Variants in TENM2 observed in about 807,000 individuals in gnomAD.
TENM2 encodes teneurin-2.
TENM2 carries 52 observed loss-of-function variants against 245.2 expected under a neutral mutation model. The ratio of observed to expected loss-of-function variants is 0.21; its 90% CI spans 0.17 to 0.27. The LOEUF (loss-of-function observed/expected upper bound fraction) is 0.27. TENM2 is among the 10% of genes least tolerant of loss of function. TENM2 has a pLI of 1.00. For missense variants in TENM2, 3,046 were observed against 3,666.8 expected, an observed-to-expected ratio of 0.83 and a Z score of 4.37; for synonymous variants, 1,363 against 1,438.9, an observed-to-expected ratio of 0.95 and a Z score of 1.19.
At chr5:167,353,022 A>C (rs1759026608) in intron 1 of TENM2, among the ~76,000 whole-genome samples, 1 of 152,178 alleles carries the variant, frequency 6.6e-6, no homozygotes, top group Non-Finnish European at 1.5e-5. Flanking sequence ...AAAGCGGCGC[A>C]TAACGACTCC....
chr5:167,099,580 A>T, the TENM2 span, among the ~76,000 whole-genome samples: 1 of 152,274 alleles, frequency 6.6e-6, no homozygotes, highest in Non-Finnish European at 1.5e-5. Context: ...CTGTAATCCC[A>T]GGTACTTGGG....
the TENM2 span, among the ~76,000 whole-genome samples, chr5:167,273,786 A>G: frequency 6.6e-6 from 1 of 152,148 alleles, no homozygotes; most frequent in African/African-American, 2.4e-5. Context: ...TAATGACAGT[A>G]ATAATTTTTA....
At chr5:168,089,608 T>A (rs1792749341) in intron 7 of TENM2, among the ~76,000 whole-genome samples, 1 of 152,210 alleles carries the variant, frequency 6.6e-6, no homozygotes, top group African/African-American at 2.4e-5. Context: ...TATCCAAGGC[T>A]AGGCACTATA....
the TENM2 span, among the ~76,000 whole-genome samples, chr5:167,263,447 T>C: frequency 6.6e-6 from 1 of 152,196 alleles, no homozygotes. Flanking sequence ...AAACATTAGC[T>C]GAGGAAGCAG....
the TENM2 span, among the ~76,000 whole-genome samples, chr5:167,224,937 C>CAT: frequency 6.6e-6 from 1 of 151,772 alleles, no homozygotes; most frequent in African/African-American, 2.4e-5. Flanking sequence ...AAATTTATTC[C>CAT]TAAGTATTTT....
intron 3 of TENM2, among the ~76,000 whole-genome samples, chr5:167,885,319 T>C (rs975910754): frequency 1.3e-5 from 2 of 152,226 alleles, no homozygotes; most frequent in Non-Finnish European, 2.9e-5. Context: ...ACAAATACTG[T>C]TAAAGGCTTA....
At chr5:167,931,444 G>A (rs576302698) in intron 3 of TENM2, among the ~76,000 whole-genome samples, 10 of 151,716 alleles carry the variant, frequency 6.6e-5, no homozygotes, top group Non-Finnish European at 1.5e-4. Flanking sequence ...CCTGTAAATT[G>A]GGCCATATAA....
the TENM2 span, among the ~76,000 whole-genome samples, chr5:166,996,009 A>C: frequency 4.9e-4 from 75 of 152,096 alleles, no homozygotes; most frequent in East Asian, 0.013. Context: ...CATATTAATT[A>C]AAAAATTTGC....
At chr5:167,844,797 TTG>T (rs1769875029) in intron 2 of TENM2, among the ~76,000 whole-genome samples, 1 of 151,546 alleles carries the variant, frequency 6.6e-6, no homozygotes, top group Admixed American at 6.6e-5. Flanking sequence ...AGGTTTGAGT[TTG>T]GGGGTTTTCA....
At chr5:167,568,558 C>A (rs957362597) in intron 2 of TENM2, among the ~76,000 whole-genome samples, 31 of 151,892 alleles carry the variant, frequency 2.0e-4, no homozygotes, top group African/African-American at 6.0e-4. Context: ...GTGTGTGACA[C>A]CATTGATTAT....
chr5:168,192,784 G>A (rs990291161), intron 14 of TENM2, among the ~76,000 whole-genome samples: 1 of 152,114 alleles, frequency 6.6e-6, no homozygotes, highest in Non-Finnish European at 1.5e-5. Flanking sequence ...CCGTGACTGG[G>A]CAGAGCTTGC....
chr5:167,904,548 C>A (rs1056595902), intron 3 of TENM2, among the ~76,000 whole-genome samples: 1 of 152,134 alleles, frequency 6.6e-6, no homozygotes, highest in Non-Finnish European at 1.5e-5. Flanking sequence ...GGATACTGAT[C>A]GAGCTTGCAT....
intron 2 of TENM2, among the ~76,000 whole-genome samples, chr5:167,599,407 A>G (rs1022909815): frequency 3.3e-5 from 5 of 152,208 alleles, no homozygotes; most frequent in South Asian, 4.1e-4. Context: ...AAAATAAACC[A>G]TATAACTCTC....
intron 4 of TENM2, among the ~76,000 whole-genome samples, chr5:167,976,769 G>A (rs1782472021): frequency 6.6e-6 from 1 of 152,170 alleles, no homozygotes; most frequent in Admixed American, 6.5e-5. Flanking sequence ...TGCTTAGAGT[G>A]TAGGCTAACA....
chr5:167,125,604 A>G, the TENM2 span, among the ~76,000 whole-genome samples: 2 of 152,206 alleles, frequency 1.3e-5, no homozygotes, highest in Admixed American at 6.5e-5. Flanking sequence ...TCCTAAGCTG[A>G]TTCAATACTT....
At chr5:167,872,353 AGG>A (rs1772942039) in intron 2 of TENM2, among the ~76,000 whole-genome samples, 2 of 136,552 alleles carry the variant, frequency 1.5e-5, no homozygotes, top group African/African-American at 2.9e-5. Context: ...AAAGAAAGAA[AGG>A]AAAGAGAAGG....
At chr5:167,202,979 G>C in the TENM2 span, among the ~76,000 whole-genome samples, 8 of 152,236 alleles carry the variant, frequency 5.3e-5, no homozygotes, top group South Asian at 1.7e-3. Context: ...TACGGATGAG[G>C]GAATTGAGGT....
At chr5:167,171,196 C>T in the TENM2 span, among the ~76,000 whole-genome samples, 1 of 152,120 alleles carries the variant, frequency 6.6e-6, no homozygotes, top group South Asian at 2.1e-4. Context: ...ACACTAGTCT[C>T]TTTTCCTGCC....
chr5:167,298,559 G>C (rs564830539), intron 1 of TENM2, among the ~76,000 whole-genome samples: 12 of 152,174 alleles, frequency 7.9e-5, no homozygotes, highest in Non-Finnish European at 1.3e-4. Context: ...AGCCGAGATC[G>C]TGCCACTGCA....
Sources: gnomAD v4.1 joint callset for allele counts (sites outside exome capture counted in the v4.1 genomes callset) on GRCh38, gnomAD v4.1.1 for gene constraint, MANE v1.5 for transcripts, NCBI Gene and HGNC (gene_info 2026-07-23, HGNC 2026-07-21) for gene names.